CMSS1: variants seen among roughly 807,000 people sequenced by gnomAD.
CMSS1 encodes protein CMSS1.
Under a neutral mutation model 43.5 loss-of-function variants are expected in CMSS1, and 33 were observed. That is an observed-to-expected ratio of 0.76 (90% CI 0.57 to 1.01). CMSS1 has a LOEUF of 1.01. Among genes scored for constraint, CMSS1 ranks in the 50% least tolerant of loss-of-function variants. The pLI, the probability that CMSS1 is intolerant of heterozygous loss-of-function variation, is 0.00. For missense variants in CMSS1, 313 were observed against 326.4 expected (o/e 0.96, Z 0.32); for synonymous variants, 115 against 117.2 (o/e 0.98, Z 0.12).
intron 1 of CMSS1, among the ~76,000 whole-genome samples, chr3:100,037,445 C>T (rs1295793447): frequency 6.6e-6 from 1 of 151,830 alleles, no homozygotes; most frequent in Admixed American, 6.6e-5. Context: ...TAAAACAAAG[C>T]AAACAGACAC....
In CMSS1 at chr3:100,057,421, C is replaced by T. The variant is rs75478676; in HGVS notation, c.65-89552C>T. On this transcript the variant is annotated intron_variant, in intron 1 of 9. Transcript: ENST00000421999. ...CCAATAAAAGCCCAGACCTTTCAAG[C>T]TATAGAATCTGCTTATAAATTGGAA... Among the ~76,000 whole-genome samples, 486 of 152,336 alleles carry T rather than the reference C, an allele frequency of 3.2e-3. 4 individuals are homozygous for T. Among genetic ancestry groups the T allele is most frequent in the African/African-American group, 0.011 (474 of 41,584 alleles).
intron 1 of CMSS1, among the ~76,000 whole-genome samples, chr3:100,115,544 CCTCTCTTTCTCTTTCTCT>C (rs2066552166): frequency 7.7e-6 from 1 of 129,764 alleles, no homozygotes; most frequent in Non-Finnish European, 1.6e-5. Context: ...TTGTATTCTC[CCTCTCTTTCTCTTTCTCT>C]CTCTCTCTCT....
At chr3:99,923,575 C>G (rs530880086) in intron 1 of CMSS1, among the ~76,000 whole-genome samples, 3 of 152,320 alleles carry the variant, frequency 2.0e-5, no homozygotes, top group East Asian at 3.9e-4. Context: ...CGCACACCCC[C>G]CTCCCAACCT....
intron 1 of CMSS1, among the ~76,000 whole-genome samples, chr3:100,091,071 A>G (rs913267693): frequency 2.5e-4 from 38 of 152,058 alleles, no homozygotes; most frequent in African/African-American, 7.7e-4. Flanking sequence ...GGATCACGAG[A>G]TCAGGAGATC....
chr3:99,866,769 T>A (rs1250214585), intron 1 of CMSS1, among the ~76,000 whole-genome samples: 1 of 152,194 alleles, frequency 6.6e-6, no homozygotes, highest in Non-Finnish European at 1.5e-5. Flanking sequence ...ATCTTTTCCA[T>A]GATTTTTGCA....
At chr3:100,070,783 C>A (rs2065748222) in intron 1 of CMSS1, among the ~76,000 whole-genome samples, 1 of 152,162 alleles carries the variant, frequency 6.6e-6, no homozygotes, top group Non-Finnish European at 1.5e-5. Flanking sequence ...AGGCATGTGC[C>A]ACCATGCCTG....
rs779350496 is a variant in CMSS1, at chr3:99,957,693, C to CTTTTTTTT, written c.64+139671_64+139678dup. ...TTCTCCTTTTCTCTTTTCTTTCTTTCTTTTTTTTTTTTTTTTTTTTTTTTT... is the reference window on the plus strand; with the variant it reads ...TTCTCCTTTTCTCTTTTCTTTCTTTCTTTTTTTTTTTTTTTTTTTTTTTTTTTTTTTTT... On this transcript the variant is annotated intron_variant, in intron 1 of 9. Coordinates refer to ENST00000421999, the MANE Select transcript of CMSS1 (RefSeq NM_032359.4). 8.0e-3 allele frequency among the ~76,000 whole-genome samples: 158 copies of CTTTTTTTT among 19,828 alleles called. 13 individuals are homozygous for CTTTTTTTT. The highest frequency in any genetic ancestry group is 0.012 in the Non-Finnish European group (110 of 8,896). The allele number at this position is 19,828 out of a possible 152,430, so 13.0% of individuals were successfully genotyped here. A position where few individuals can be genotyped will look rare whatever the true frequency, so the allele number is the denominator to read the frequency against.
chr3:99,899,431 T>C (rs2107624470), intron 1 of CMSS1, among the ~76,000 whole-genome samples: 1 of 152,346 alleles, frequency 6.6e-6, no homozygotes, highest in Non-Finnish European at 1.5e-5. Context: ...TTGGAAATTA[T>C]TCTACCTAAA....
At chr3:99,893,994 G>A (rs988842620) in intron 1 of CMSS1, among the ~76,000 whole-genome samples, 1 of 152,158 alleles carries the variant, frequency 6.6e-6, no homozygotes, top group African/African-American at 2.4e-5. Context: ...GACCTGCTAT[G>A]TTAAGTGAGA....
At chr3:99,926,149 G>A (rs1053947630) in intron 1 of CMSS1, among the ~76,000 whole-genome samples, 1 of 152,182 alleles carries the variant, frequency 6.6e-6, no homozygotes, top group African/African-American at 2.4e-5. Context: ...GCATGTACTT[G>A]ACTAGAAATG....
At chr3:99,933,608 A>G (rs984428449) in intron 1 of CMSS1, among the ~76,000 whole-genome samples, 1 of 152,196 alleles carries the variant, frequency 6.6e-6, no homozygotes, top group Non-Finnish European at 1.5e-5. Flanking sequence ...ACACCTAGGA[A>G]TATCCTTACT....
At chr3:99,913,101 A>G (rs1706843075) in intron 1 of CMSS1, among the ~76,000 whole-genome samples, 1 of 152,218 alleles carries the variant, frequency 6.6e-6, no homozygotes, top group African/African-American at 2.4e-5. Context: ...ACAGCGGTTT[A>G]CAACCCAGAA....
rs146209988 is a variant in CMSS1 at position 99,935,350 on chromosome 3, G to C, written c.64+117307G>C. ...ATGAAGTGCTGACCTAGTACCTAGT[G>C]AGTTTACAAGGGAAAAAAACCTGCT... On this transcript the variant is annotated intron_variant, in intron 1 of 9. Coordinates refer to ENST00000421999, the MANE Select transcript of CMSS1 (RefSeq NM_032359.4). Among the ~76,000 whole-genome samples the C allele has an allele frequency of 8.8e-3, 1,330 of 151,898 alleles. 20 individuals are homozygous for C. The highest frequency in any genetic ancestry group is 0.027 in the African/African-American group (1,100 of 41,410).
intron 2 of CMSS1, among the ~76,000 whole-genome samples, chr3:100,155,697 TA>T (rs1336836556): frequency 3.3e-5 from 5 of 152,218 alleles, no homozygotes; most frequent in African/African-American, 1.2e-4. Flanking sequence ...AGGTAGGAAG[TA>T]AATTTTTTGA....
chr3:100,054,619 C>T (rs1237521127), intron 1 of CMSS1, among the ~76,000 whole-genome samples: 2 of 152,004 alleles, frequency 1.3e-5, no homozygotes, highest in Non-Finnish European at 2.9e-5. Context: ...GGGAATACAA[C>T]GTGAATAATC....
chr3:99,983,460 GTGTGTATATATA>G lies in CMSS1; in HGVS notation c.65-163511_65-163500del, dbSNP rs1709215511. On this transcript the variant is annotated intron_variant, in intron 1 of 9. Transcript: ENST00000421999. ...TATATATGTATGTATATATATATAT[GTGTGTATATATA>G]TATATATATATATATATATATATAT... 3.4e-3 allele frequency among the ~76,000 whole-genome samples: 234 copies of G among 69,394 alleles called. 4 individuals are homozygous for G. Among genetic ancestry groups the G allele is most frequent in the African/African-American group, 0.023 (221 of 9,596 alleles). 45.5% of individuals were successfully genotyped at this position (69,394 alleles called of 152,430 possible). A position where few individuals can be genotyped will look rare whatever the true frequency, so the allele number is the denominator to read the frequency against.
chr3:99,879,349 G>A (rs952931792), intron 1 of CMSS1, among the ~76,000 whole-genome samples: 1 of 152,200 alleles, frequency 6.6e-6, no homozygotes, highest in Admixed American at 6.5e-5. Context: ...CTAATTGTCA[G>A]GAGGCCATGA....
chr3:100,138,843 T>C (rs979325999), intron 1 of CMSS1, among the ~76,000 whole-genome samples: 1 of 152,216 alleles, frequency 6.6e-6, no homozygotes, highest in African/African-American at 2.4e-5. Context: ...CATCACTGGA[T>C]ATCTACCCAA....
At chr3:100,091,234 G>A (rs926174708) in intron 1 of CMSS1, among the ~76,000 whole-genome samples, 1 of 149,176 alleles carries the variant, frequency 6.7e-6, no homozygotes, top group Non-Finnish European at 1.5e-5. Context: ...GCAGTGAGCC[G>A]AGATTGCGCC....
Sources: gnomAD v4.1 joint callset for allele counts (sites outside exome capture counted in the v4.1 genomes callset) on GRCh38, gnomAD v4.1.1 for gene constraint, MANE v1.5 for transcripts, NCBI Gene and HGNC (gene_info 2026-07-23, HGNC 2026-07-21) for gene names.